Variants in TSNARE1 observed in about 807,000 individuals in gnomAD.
TSNARE1 encodes the protein t-SNARE domain containing 1, also known as t-SNARE domain-containing protein 1.
Under a neutral mutation model 62.0 loss-of-function variants are expected in TSNARE1, and 49 were observed. The ratio of observed to expected loss-of-function variants is 0.79; its 90% CI spans 0.63 to 1.00. TSNARE1 has a LOEUF of 1.00. Among genes scored for constraint, TSNARE1 ranks in the 50% least tolerant of loss-of-function variants. The probability of loss-of-function intolerance (pLI) is 0.00; values close to 1 mark genes in which losing one functional copy is unlikely to be tolerated. For missense variants in TSNARE1, 755 were observed against 700.1 expected (o/e 1.08, Z -0.88); for synonymous variants, 328 against 294.4 (o/e 1.11, Z -1.17).
At chr8:142,270,130 C>G in intron 12 of TSNARE1, 9 of 985,452 alleles carry the variant, frequency 9.1e-6, no homozygotes, top group Non-Finnish European at 9.6e-6. Context: ...TCCCACCTCC[C>G]GCTCCTGCTC....
chr8:142,268,876 A>G (rs1376603780), intron 12 of TSNARE1, among the ~76,000 whole-genome samples: 1 of 152,254 alleles, frequency 6.6e-6, no homozygotes, highest in African/African-American at 2.4e-5. Flanking sequence ...CTGCCTTGCC[A>G]GCTCCAGGTC....
At position 142,344,028 on chromosome 8, in the gene TSNARE1, A is replaced by G. The variant is rs776598350; in HGVS notation, c.683T>C (p.Val228Ala). ...GGCCTGGCAAGAGAAGGTCTTGGCC[A>G]CCACCTGCTCCACGGGCGTGAGAGC... ...ALALTPVEQV[V>A]AKTFSCQALP... Residue 228 changes from valine (V) to alanine (A), a missense_variant, in exon 4 of 14, where the codon GTG (valine) becomes GCG (alanine). Transcript: ENST00000524325. The G allele has an allele frequency of 1.3e-6, 2 of 1,572,916 alleles. No individual in the cohort carries two copies. Among genetic ancestry groups the G allele is most frequent in the Admixed American group, 3.5e-5 (2 of 56,682 alleles).
intron 10 of TSNARE1, 89 bp from the exon 11 acceptor site, chr8:142,284,574 G>C: frequency 1.9e-6 from 2 of 1,046,652 alleles, no homozygotes; most frequent in Non-Finnish European, 3.0e-6. Context: ...ACCTGGGGCG[G>C]GCCCAGGTGG....
chr8:142,381,676 G>A (rs1350551380), intron 1 of TSNARE1, among the ~76,000 whole-genome samples: 1 of 152,172 alleles, frequency 6.6e-6, no homozygotes, highest in African/African-American at 2.4e-5. Context: ...GAGGAGCCAC[G>A]TGGGGCAAAC....
intron 12 of TSNARE1, among the ~76,000 whole-genome samples, chr8:142,238,858 T>C (rs1817561476): frequency 6.8e-6 from 1 of 147,016 alleles, no homozygotes; most frequent in Admixed American, 6.9e-5. Context: ...GGCTCCTGCC[T>C]ACTCAGTCTC....
chr8:142,242,947 CAAAAAAAAAAA>C (rs35092120), intron 12 of TSNARE1, among the ~76,000 whole-genome samples: 1 of 51,390 alleles, frequency 1.9e-5, no homozygotes, highest in Admixed American at 2.6e-4. Context: ...AACTCTGTCT[CAAAAAAAAAAA>C]AAAAAAAAAA....
intron 12 of TSNARE1, among the ~76,000 whole-genome samples, chr8:142,268,392 C>T (rs1338251618): frequency 6.6e-6 from 1 of 152,222 alleles, no homozygotes; most frequent in Non-Finnish European, 1.5e-5. Flanking sequence ...TAGCTTGGCC[C>T]TTGGTCTTCT....
intron 9 of TSNARE1, among the ~76,000 whole-genome samples, chr8:142,303,311 C>T (rs1487005457): frequency 1.3e-5 from 2 of 152,134 alleles, no homozygotes; most frequent in East Asian, 3.9e-4. Flanking sequence ...TCCCCTGGAG[C>T]AGTCACTGGC....
In TSNARE1 at chr8:142,345,911, A is replaced by C. The variant is rs769012102; in HGVS notation, c.89-19T>G. On this transcript the variant is annotated intron_variant, in intron 2 of 13. Coordinates refer to ENST00000524325, the MANE Select transcript of TSNARE1 (RefSeq NM_145003.5). ...GCGCACTCTACGGACAGCAAGGGAC[A>C]GTCACGATTACTCTCAGCTCAGGGC... is the stretch of plus-strand genomic sequence containing the variant. 6.2e-7 allele frequency: 1 copy of C among 1,608,440 alleles called. No homozygotes were observed. Among genetic ancestry groups the C allele is most frequent in the Non-Finnish European group, 8.5e-7 (1 of 1,176,588 alleles).
At chr8:142,345,607 AG>A in intron 3 of TSNARE1, 135 bp downstream of exon 3, 1 of 1,054,108 alleles carries the variant, frequency 9.5e-7, no homozygotes. Flanking sequence ...GGCAGGGGGC[AG>A]GGGATGCAGG....
intron 13 of TSNARE1, among the ~76,000 whole-genome samples, chr8:142,221,000 G>A (rs4976952): frequency 0.9 from 136,389 of 152,296 alleles, 61,150 homozygotes; most frequent in Non-Finnish European, 0.92. Context: ...GCATTGTCAC[G>A]TCCCGTAAAT....
chr8:142,375,855 G>A (rs1836291926), intron 1 of TSNARE1, among the ~76,000 whole-genome samples: 1 of 152,148 alleles, frequency 6.6e-6, no homozygotes, highest in East Asian at 1.9e-4. Flanking sequence ...TCCAGCACAG[G>A]CCCAGGCTGG....
chr8:142,299,623 A>G (rs1825352602), intron 10 of TSNARE1, among the ~76,000 whole-genome samples: 1 of 152,222 alleles, frequency 6.6e-6, no homozygotes, highest in African/African-American at 2.4e-5. Flanking sequence ...TTACACATGC[A>G]TGCACACACA....
At chr8:142,315,178 T>C (rs1230545609) in intron 7 of TSNARE1, 86 bp from the exon 8 acceptor site, 5 of 1,348,226 alleles carry the variant, frequency 3.7e-6, no homozygotes, top group Non-Finnish European at 5.2e-6. Flanking sequence ...CCCGTACCGA[T>C]GTCCCACCTT....
intron 1 of TSNARE1, among the ~76,000 whole-genome samples, chr8:142,364,557 C>T (rs749913487): frequency 5.3e-5 from 8 of 152,072 alleles, no homozygotes; most frequent in Non-Finnish European, 8.8e-5. Context: ...CACTCTTCAC[C>T]GAAAGCAAGC....
intron 9 of TSNARE1, among the ~76,000 whole-genome samples, chr8:142,302,240 C>T (rs1825907183): frequency 6.6e-6 from 1 of 152,056 alleles, no homozygotes; most frequent in Non-Finnish European, 1.5e-5. Context: ...CCCTCAGCTT[C>T]ACTCATGCTA....
intron 13 of TSNARE1, among the ~76,000 whole-genome samples, chr8:142,221,969 TC>T: frequency 7.4e-6 from 1 of 135,468 alleles, no homozygotes; most frequent in East Asian, 2.1e-4. Context: ...ACTCATCCAC[TC>T]ATCCACTCAC....
chr8:142,246,669 C>T (rs1224334187), intron 12 of TSNARE1, among the ~76,000 whole-genome samples: 4 of 152,234 alleles, frequency 2.6e-5, no homozygotes, highest in South Asian at 2.1e-4. Flanking sequence ...TCGTCTTCCC[C>T]GTGGAGGCTG....
At chr8:142,299,456 A>G (rs1391997996) in intron 10 of TSNARE1, among the ~76,000 whole-genome samples, 1 of 152,208 alleles carries the variant, frequency 6.6e-6, no homozygotes, top group Non-Finnish European at 1.5e-5. Context: ...CCTTCTGCAG[A>G]TGAGGTGGCC....
Sources: allele counts gnomAD v4.1 joint callset (sites outside exome capture counted in the v4.1 genomes callset), GRCh38; gene constraint gnomAD v4.1.1; transcripts MANE v1.5; gene names NCBI Gene and HGNC (gene_info 2026-07-23, HGNC 2026-07-21).